The following KDM2B variants were observed in gnomAD, a reference collection of about 807,000 sequenced individuals.
KDM2B encodes lysine-specific demethylase 2B.
Under a neutral mutation model 150.0 loss-of-function variants are expected in KDM2B, and 26 were observed. The observed-to-expected ratio is 0.17, with a 90% CI of 0.13 to 0.24. KDM2B has a LOEUF of 0.24. Ranked by LOEUF, KDM2B falls within the 10% of genes least tolerant of loss-of-function variation. The pLI, the probability that KDM2B is intolerant of heterozygous loss-of-function variation, is 1.00. For synonymous variants in KDM2B, 734 were observed against 729.5 expected, an observed-to-expected ratio of 1.01 and a Z score of -0.10; for missense variants, 1,265 against 1,816.9, an observed-to-expected ratio of 0.70 and a Z score of 5.52.
chr12:121,580,131 CA>C, intron 1 of KDM2B: 1 of 1,566,252 alleles, frequency 6.4e-7, no homozygotes. Context: ...GAGGGAAGAC[CA>C]AAGAAAACAA....
At position 121,429,700 on chromosome 12, in the gene KDM2B, C is replaced by T. The variant is rs1872720037; in HGVS notation, c.*588G>A. The T allele has an allele frequency of 1.0e-5, 4 of 381,074 alleles. No individual in the cohort carries two copies. The highest frequency in any genetic ancestry group is 8.5e-5 in the Admixed American group (2 of 23,460). The allele number at this position is 381,074 out of a possible 1,614,324, so 23.6% of individuals were successfully genotyped here. On this transcript the variant is annotated 3_prime_UTR_variant, in exon 23 of 23. Transcript: ENST00000377071. ...AGATGGGTTGTGTCGATGAAGTACA[C>T]GTTAAATTCTCTCCTACCTTAAGGA...
rs782168900 is a variant in KDM2B, at chr12:121,518,985, T to C, written c.1047+2000A>G. 3.3e-5 allele frequency among the ~76,000 whole-genome samples: 5 copies of C among 152,164 alleles called. No homozygotes were observed. Among genetic ancestry groups the C allele is most frequent in the Non-Finnish European group, 5.9e-5 (4 of 68,020 alleles). The stretch of plus-strand genomic sequence containing the variant: ...CTCCAGACCAGGGTGGGGGCTGGCC[T>C]TCCCCAGGTGGGATGGGGATGGTGG... On this transcript the variant is annotated intron_variant, in intron 9 of 22. Coordinates refer to ENST00000377071, the MANE Select transcript of KDM2B (RefSeq NM_032590.5). The surrounding 1 kb of genome is among the most constrained non-coding windows in gnomAD (Gnocchi z 4.4).
At chr12:121,546,507 C>T (rs1301534554) in intron 6 of KDM2B, among the ~76,000 whole-genome samples, 21 of 150,666 alleles carry the variant, frequency 1.4e-4, no homozygotes, top group African/African-American at 4.9e-4. Flanking sequence ...CTCAGCCTCC[C>T]GAGTAGCTGG....
At chr12:121,478,820 T>TGCGA (rs1881697022) in intron 12 of KDM2B, among the ~76,000 whole-genome samples, 1 of 151,044 alleles carries the variant, frequency 6.6e-6, no homozygotes, top group Non-Finnish European at 1.5e-5. Flanking sequence ...CCCAAGCAGC[T>TGCGA]GCGACTACAG....
At chr12:121,536,020 C>G (rs1888062698) in intron 6 of KDM2B, 1 of 984,138 alleles carries the variant, frequency 1.0e-6, no homozygotes, top group African/African-American at 1.7e-5. Context: ...CCCCACTGAC[C>G]TCTTTTCCCC....
intron 12 of KDM2B, among the ~76,000 whole-genome samples, chr12:121,472,456 C>T (rs1880870352): frequency 6.6e-6 from 1 of 152,086 alleles, no homozygotes; most frequent in Non-Finnish European, 1.5e-5. Flanking sequence ...TACTTAATTG[C>T]TTTTTATTTT....
At chr12:121,411,929 A>G in the KDM2B span, among the ~76,000 whole-genome samples, 1 of 152,212 alleles carries the variant, frequency 6.6e-6, no homozygotes, top group Non-Finnish European at 1.5e-5. Context: ...TACTTTCTGC[A>G]GTTGAGGTAT....
At chr12:121,447,192 C>G (rs1355703030) in intron 13 of KDM2B, among the ~76,000 whole-genome samples, 1 of 152,106 alleles carries the variant, frequency 6.6e-6, no homozygotes, top group South Asian at 2.1e-4. Flanking sequence ...CCCTCCAAAA[C>G]AACATATCAC....
At chr12:121,579,691 C>CTAAGGAGA in intron 1 of KDM2B, 1 of 1,414,332 alleles carries the variant, frequency 7.1e-7, no homozygotes, top group South Asian at 1.2e-5. Context: ...CCCGCATCCC[C>CTAAGGAGA]CTGCCTCCTC....
the KDM2B span, chr12:121,423,434 G>A: frequency 3.7e-6 from 6 of 1,612,454 alleles, no homozygotes; most frequent in African/African-American, 4.0e-5. This position sits in a 1 kb window ranked among gnomAD's most constrained non-coding sequence, Gnocchi z 4.3. Flanking sequence ...AGCCTGTGTC[G>A]CATCTGCATG....
chr12:121,509,910 G>A lies in KDM2B; in HGVS notation c.1304C>T (p.Ala435Val), dbSNP rs1555303648. 3 of 1,612,792 alleles carry A rather than the reference G, an allele frequency of 1.9e-6. No homozygotes were observed. The highest frequency in any genetic ancestry group is 2.5e-6 in the Non-Finnish European group (3 of 1,179,768). The change falls in exon 11 of 23, where the codon GCA (alanine) becomes GTA (valine). Residue 435 changes from alanine to valine, a missense_variant. Around this residue, in one of 11 missense-constraint regions of KDM2B, gnomAD observed 154 missense variants for 162.5 expected, o/e 0.95. Coordinates refer to ENST00000377071, the MANE Select transcript of KDM2B (RefSeq NM_032590.5). ...KDEEGEGRDR[A>V]PKPPTDGSTS... ...GGAGCCATCGGTGGGCGGTTTGGGT[G>A]CCCTGTCCCTGCCCTCGCCCTCCTC...
chr12:121,523,047 C>A lies in KDM2B; in HGVS notation c.932-1947G>T, dbSNP rs781975307. 2.6e-5 allele frequency among the ~76,000 whole-genome samples: 4 copies of A among 152,266 alleles called. No homozygotes were observed. The East Asian group carries it at 7.7e-4, about 29-fold the overall frequency. ...TGACATGTGTGTGGCTCCTGGCTGCCGGGTCACACAGCGTGGGGCTAGGAG... is the reference window on the plus strand; with the variant it reads ...TGACATGTGTGTGGCTCCTGGCTGCAGGGTCACACAGCGTGGGGCTAGGAG... On this transcript the variant is annotated intron_variant, in intron 8 of 22. Coordinates refer to ENST00000377071, the MANE Select transcript of KDM2B (RefSeq NM_032590.5).
At chr12:121,419,382 T>C in the KDM2B span, among the ~76,000 whole-genome samples, 1 of 152,216 alleles carries the variant, frequency 6.6e-6, no homozygotes, top group South Asian at 2.1e-4. Context: ...GAACGTCTCC[T>C]AGTCGTCAAG....
chr12:121,520,291 T>C lies in KDM2B; in HGVS notation c.1047+694A>G, dbSNP rs1886572960. Among the ~76,000 whole-genome samples, 1 of 152,146 alleles carries C rather than the reference T, an allele frequency of 6.6e-6. No homozygotes were observed. Among genetic ancestry groups the C allele is most frequent in the African/African-American group, 2.4e-5 (1 of 41,436 alleles). On this transcript the variant is annotated intron_variant, in intron 9 of 22. Transcript: ENST00000377071. The surrounding 1 kb of genome is among the most constrained non-coding windows in gnomAD (Gnocchi z 4.5). ...AAAGGCCATGGCAAGTTCAGGCCAC[T>C]TGTCCTTTTCAGGGGACACTTGTGG...
At chr12:121,447,997 T>A (rs1421426391) in intron 13 of KDM2B, among the ~76,000 whole-genome samples, 1 of 151,824 alleles carries the variant, frequency 6.6e-6, no homozygotes, top group African/African-American at 2.4e-5. Context: ...GGTTTTCTTG[T>A]TATTTTAAGA....
the KDM2B span, among the ~76,000 whole-genome samples, chr12:121,421,407 A>G: frequency 6.7e-6 from 1 of 149,746 alleles, no homozygotes; most frequent in African/African-American, 2.5e-5. Context: ...AACCAAAAAA[A>G]CCTGGTGTGG....
intron 9 of KDM2B, chr12:121,516,674 G>A (rs1417625198): frequency 1.5e-6 from 1 of 655,994 alleles, no homozygotes; most frequent in African/African-American, 1.8e-5. Context: ...TCTACCAGAG[G>A]ACCTCAGGGC....
chr12:121,466,313 T>C (rs951501612), intron 12 of KDM2B, among the ~76,000 whole-genome samples: 2 of 152,208 alleles, frequency 1.3e-5, no homozygotes, highest in African/African-American at 4.8e-5. Flanking sequence ...TTCCAAGTAT[T>C]ATTTTGCAGA....
At chr12:121,483,794 C>T (rs1454034858) in intron 12 of KDM2B, among the ~76,000 whole-genome samples, 2 of 152,090 alleles carry the variant, frequency 1.3e-5, no homozygotes, top group Non-Finnish European at 2.9e-5. Flanking sequence ...TGTGGAAGCG[C>T]GTCAGCCAGG....
Sources: allele counts gnomAD v4.1 joint callset (sites outside exome capture counted in the v4.1 genomes callset), GRCh38; gene constraint gnomAD v4.1.1; regional missense constraint gnomAD v4.1.1; non-coding constraint Gnocchi (gnomAD v3.1); transcripts MANE v1.5; gene names NCBI Gene and HGNC (gene_info 2026-07-23, HGNC 2026-07-21).